ENPP2: variants seen among roughly 807,000 people sequenced by gnomAD.
ENPP2 encodes the protein autotaxin.
In ENPP2, 51 loss-of-function variants were observed where a neutral mutation model predicts 120.2. That is an observed-to-expected ratio of 0.42 (90% CI 0.34 to 0.54). The LOEUF (loss-of-function observed/expected upper bound fraction) is 0.54. Ranked by LOEUF, ENPP2 falls within the 20% of genes least tolerant of loss-of-function variation. ENPP2 has a pLI of 0.04. For missense variants in ENPP2, 920 were observed against 1,066.5 expected (o/e 0.86, Z 1.91); for synonymous variants, 365 against 366.4 (o/e 1.00, Z 0.04).
At chr8:119,580,229 G>T in intron 18 of ENPP2, 62 bp from the exon 19 acceptor site, 1 of 1,322,074 alleles carries the variant, frequency 7.6e-7, no homozygotes, top group Non-Finnish European at 1.1e-6. Flanking sequence ...CTTTCCCTCT[G>T]TGCCCTTCTG....
At chr8:119,593,335 C>A (rs1453391381) in intron 12 of ENPP2, among the ~76,000 whole-genome samples, 1 of 152,130 alleles carries the variant, frequency 6.6e-6, no homozygotes, top group East Asian at 1.9e-4. Flanking sequence ...ATCTCTGCTT[C>A]TTTATCATAT....
intron 20 of ENPP2, among the ~76,000 whole-genome samples, chr8:119,570,286 A>AT (rs1471207190): frequency 4.0e-5 from 6 of 149,568 alleles, no homozygotes; most frequent in East Asian, 2.0e-4. Context: ...TAGAAAAAAA[A>AT]AAAAAACAGA....
chr8:119,609,435 T>C (rs1253298139), intron 8 of ENPP2, among the ~76,000 whole-genome samples: 9 of 152,206 alleles, frequency 5.9e-5, no homozygotes, highest in Non-Finnish European at 1.2e-4. Flanking sequence ...GGCCAGACTT[T>C]TGGTTCCCTG....
intron 2 of ENPP2, among the ~76,000 whole-genome samples, chr8:119,634,661 T>C (rs779656833): frequency 7.9e-5 from 12 of 152,210 alleles, no homozygotes; most frequent in Non-Finnish European, 1.6e-4. Flanking sequence ...TTAGATCATC[T>C]CACTGTAACT....
chr8:119,617,596 A>G, intron 5 of ENPP2, 33 bp from the exon 6 acceptor site: 5 of 1,455,764 alleles, frequency 3.4e-6, no homozygotes, highest in Non-Finnish European at 3.8e-6. Context: ...TTTTAGAAAC[A>G]TTATTACCAG....
In ENPP2 at chr8:119,562,917, G is replaced by C. The variant is rs1165307240; in HGVS notation, c.2361C>G (p.Gly787=). The stretch of plus-strand genomic sequence containing the variant: ...GGATGAAGGAGGACACAGAGAGAGG[G>C]CCGTCACACTTGTCGGCAGGCTGAG... ...DFTQPADKCD[G]PLSVSSFILP... Residue 787 remains glycine (G), a synonymous_variant, in exon 24 of 25, where the codon GGC becomes GGG. Transcript: ENST00000075322. 2 of 1,614,042 alleles carry C rather than the reference G, an allele frequency of 1.2e-6. No individual in the cohort carries two copies. Among genetic ancestry groups the C allele is most frequent in the African/African-American group, 2.7e-5 (2 of 74,926 alleles).
At chr8:119,577,677 A>G (rs72688220) in intron 19 of ENPP2, among the ~76,000 whole-genome samples, 13,547 of 152,312 alleles carry the variant, frequency 0.089, 811 homozygotes, top group South Asian at 0.18. Context: ...GACTTAGAAT[A>G]GCATGAGCTA....
chr8:119,610,490 A>AAG (rs60632673), intron 8 of ENPP2, among the ~76,000 whole-genome samples: 35,286 of 147,998 alleles, frequency 0.24, 4,279 homozygotes, highest in South Asian at 0.36. Flanking sequence ...AAGGTTATAA[A>AAG]AGAGAGAGAG....
At chr8:119,646,254 C>A (rs1366674097) in intron 1 of ENPP2, among the ~76,000 whole-genome samples, 2 of 152,184 alleles carry the variant, frequency 1.3e-5, no homozygotes, top group Admixed American at 1.3e-4. Flanking sequence ...CAGGCATGAG[C>A]CAGCGCATCC....
At chr8:119,673,116 G>C (rs1422914266) in intron 1 of ENPP2, 4 of 719,692 alleles carry the variant, frequency 5.6e-6, no homozygotes, top group East Asian at 2.7e-5. Flanking sequence ...CTGAGTGCAC[G>C]GGAACACAGC....
chr8:119,601,691 C>CT (rs1209085309), intron 9 of ENPP2, among the ~76,000 whole-genome samples: 1 of 152,162 alleles, frequency 6.6e-6, no homozygotes, highest in Non-Finnish European at 1.5e-5. Context: ...ACTGGAAACT[C>CT]TGATTCACAG....
chr8:119,641,250 G>A (rs1431635790), upstream of ENPP2, among the ~76,000 whole-genome samples: 1 of 150,904 alleles, frequency 6.6e-6, no homozygotes, highest in African/African-American at 2.4e-5. Context: ...TGACCAAGAT[G>A]ACCAAAGTCC....
At chr8:119,590,927 C>T (rs1349927425) in intron 12 of ENPP2, among the ~76,000 whole-genome samples, 1 of 142,536 alleles carries the variant, frequency 7.0e-6, no homozygotes, top group Non-Finnish European at 1.5e-5. Context: ...AGGAAGTCAC[C>T]ATGATTTAAA....
intron 3 of ENPP2, among the ~76,000 whole-genome samples, chr8:119,626,181 G>A (rs1035430838): frequency 5.9e-5 from 9 of 152,132 alleles, no homozygotes; most frequent in African/African-American, 1.9e-4. Flanking sequence ...AACACAGTGA[G>A]ATGCTATCTC....
At chr8:119,629,186 C>T (rs1162044498) in intron 2 of ENPP2, among the ~76,000 whole-genome samples, 2 of 149,792 alleles carry the variant, frequency 1.3e-5, no homozygotes, top group African/African-American at 2.5e-5. Flanking sequence ...AAATATATAC[C>T]GTATAATAGA....
chr8:119,659,027 C>G (rs116148514), intron 1 of ENPP2, among the ~76,000 whole-genome samples: 31 of 152,172 alleles, frequency 2.0e-4, no homozygotes, highest in African/African-American at 7.5e-4. Context: ...CAAGACCAGA[C>G]TTCTTGGCTG....
At chr8:119,667,100 T>C (rs549424215) in intron 1 of ENPP2, among the ~76,000 whole-genome samples, 2 of 152,284 alleles carry the variant, frequency 1.3e-5, no homozygotes, top group East Asian at 3.9e-4. Flanking sequence ...TGTTAATAGC[T>C]GCAGGAAACA....
intron 1 of ENPP2, among the ~76,000 whole-genome samples, chr8:119,671,452 G>T (rs72688246): frequency 0.1 from 15,565 of 152,190 alleles, 976 homozygotes; most frequent in South Asian, 0.19. Context: ...TGGTGGGGGA[G>T]GTGGAGACAC....
intron 2 of ENPP2, among the ~76,000 whole-genome samples, chr8:119,634,190 A>AC (rs1816857315): frequency 7.8e-6 from 1 of 127,566 alleles, no homozygotes; most frequent in Middle Eastern, 3.9e-3. Context: ...CTCAAAAAAT[A>AC]AATACATACA....
Sources: allele counts gnomAD v4.1 joint callset (sites outside exome capture counted in the v4.1 genomes callset), GRCh38; gene constraint gnomAD v4.1.1; transcripts MANE v1.5; gene names NCBI Gene and HGNC (gene_info 2026-07-23, HGNC 2026-07-21).